BABAM2: variants seen among roughly 807,000 people sequenced by gnomAD.
The protein encoded by BABAM2 is BRISC and BRCA1-A complex member 2.
Under a neutral mutation model 54.7 loss-of-function variants are expected in BABAM2, and 31 were observed. The ratio of observed to expected loss-of-function variants is 0.57; its 90% CI spans 0.43 to 0.77. BABAM2 has a LOEUF of 0.77. Among genes scored for constraint, BABAM2 ranks in the 30% least tolerant of loss-of-function variants. The pLI, the probability that BABAM2 is intolerant of heterozygous loss-of-function variation, is 0.00. For missense variants in BABAM2, 364 were observed against 455.8 expected, an observed-to-expected ratio of 0.80 and a Z score of 1.83; for synonymous variants, 167 against 162.9, an observed-to-expected ratio of 1.03 and a Z score of -0.19.
At chr2:27,993,648 G>A (rs1173213237) in intron 4 of BABAM2, among the ~76,000 whole-genome samples, 1 of 152,150 alleles carries the variant, frequency 6.6e-6, no homozygotes, top group Non-Finnish European at 1.5e-5. Context: ...ATTATAGTAG[G>A]TTGGAAACCT....
chr2:28,131,839 T>G (rs1670105666), intron 7 of BABAM2, among the ~76,000 whole-genome samples: 1 of 152,108 alleles, frequency 6.6e-6, no homozygotes, highest in South Asian at 2.1e-4. Context: ...ATTACAAAGG[T>G]GCTTTGGTGA....
At chr2:27,909,149 A>G (rs530121419) in intron 2 of BABAM2, among the ~76,000 whole-genome samples, 1 of 151,990 alleles carries the variant, frequency 6.6e-6, no homozygotes, top group East Asian at 1.9e-4. Flanking sequence ...GGCTCAAGCA[A>G]TCCTCCCACC....
chr2:28,125,897 A>G (rs1008237856), intron 6 of BABAM2, among the ~76,000 whole-genome samples: 2 of 152,234 alleles, frequency 1.3e-5, no homozygotes, highest in African/African-American at 4.8e-5. Flanking sequence ...AGCAGTTGAT[A>G]GAGCGATATG....
chr2:28,272,614 CT>C (rs1288195573), intron 10 of BABAM2, among the ~76,000 whole-genome samples: 1 of 152,162 alleles, frequency 6.6e-6, no homozygotes, highest in Non-Finnish European at 1.5e-5. Flanking sequence ...TTGGACAGAA[CT>C]TTTTCAGTTT....
chr2:28,305,679 G>A (rs979199731), intron 11 of BABAM2, among the ~76,000 whole-genome samples: 1 of 152,148 alleles, frequency 6.6e-6, no homozygotes, highest in Non-Finnish European at 1.5e-5. Context: ...TTTAGTAAAT[G>A]TAGGGATATT....
chr2:28,143,040 T>C (rs1315413188), intron 7 of BABAM2, among the ~76,000 whole-genome samples: 1 of 152,104 alleles, frequency 6.6e-6, no homozygotes, highest in Non-Finnish European at 1.5e-5. Context: ...TAGATTAACT[T>C]GGCCCTGTAA....
chr2:27,968,205 G>A (rs1019800731), intron 3 of BABAM2, among the ~76,000 whole-genome samples: 1 of 152,212 alleles, frequency 6.6e-6, no homozygotes, highest in Non-Finnish European at 1.5e-5. Context: ...TGGGCCCAGG[G>A]TCCCTGTGCT....
Position 28,025,343 on chromosome 2 carries a change from T to TCC in BABAM2, c.418_419insCC (p.Phe140SerfsTer37). 6.2e-7 allele frequency: 1 copy of TCC among 1,613,246 alleles called. No individual in the cohort carries two copies. The highest frequency in any genetic ancestry group is 8.5e-7 in the Non-Finnish European group (1 of 1,179,820). On this transcript the variant is annotated frameshift_variant, in exon 5 of 12. Transcript: ENST00000379624. LOFTEE classifies it high-confidence loss of function. ...CCTCCGGGAGAGCTCCCGCCTCATG[T>TCC]TTGAATACCAGACATTACTGGAGGA...
At chr2:28,106,139 A>T (rs1275791998) in intron 6 of BABAM2, among the ~76,000 whole-genome samples, 1 of 152,150 alleles carries the variant, frequency 6.6e-6, no homozygotes, top group African/African-American at 2.4e-5. Flanking sequence ...TTACATATTA[A>T]TAATTGCAAT....
At chr2:28,281,780 G>T (rs890557550) in intron 10 of BABAM2, among the ~76,000 whole-genome samples, 1 of 152,224 alleles carries the variant, frequency 6.6e-6, no homozygotes, top group Non-Finnish European at 1.5e-5. Context: ...GTGTTCCTGA[G>T]TTTCAGCGTT....
intron 7 of BABAM2, 70 bp downstream of exon 7, chr2:28,129,450 G>C: frequency 7.6e-7 from 1 of 1,322,300 alleles, no homozygotes; most frequent in Non-Finnish European, 1.1e-6. Flanking sequence ...TCTTTCTTTT[G>C]CCACTCTTGA....
intron 7 of BABAM2, among the ~76,000 whole-genome samples, chr2:28,150,386 C>T (rs530222139): frequency 1.8e-4 from 28 of 152,200 alleles, no homozygotes; most frequent in Admixed American, 1.0e-3. Context: ...GGATACATGG[C>T]AATACAGAGG....
rs892015652 is a variant in BABAM2 at position 27,940,423 on chromosome 2, G to A, written c.205+10515G>A. On this transcript the variant is annotated intron_variant, in intron 3 of 11. Coordinates refer to ENST00000379624, the MANE Select transcript of BABAM2 (RefSeq NM_199191.3). ...TTCCCAATCTCTAGTTGAGTATCTG[G>A]CATTTAGAGAGGTTTAATAAATGTT... Among the ~76,000 whole-genome samples, 18 of 152,290 alleles carry A rather than the reference G, an allele frequency of 1.2e-4. 1 individual carries two copies. The highest frequency in any genetic ancestry group is 1.0e-3 in the Admixed American group (16 of 15,298).
intron 3 of BABAM2, among the ~76,000 whole-genome samples, chr2:27,934,070 T>C (rs546166686): frequency 5.5e-4 from 84 of 152,262 alleles, no homozygotes; most frequent in African/African-American, 1.9e-3. Context: ...GGATTTTTTT[T>C]TTTCTTTGAA....
At chr2:28,097,203 G>T (rs181653658) in intron 6 of BABAM2, among the ~76,000 whole-genome samples, 22 of 152,236 alleles carry the variant, frequency 1.4e-4, no homozygotes, top group Admixed American at 1.2e-3. Context: ...AGGACCTGGG[G>T]ACAGGAAAAT....
At chr2:28,074,042 C>T (rs983336749) in intron 6 of BABAM2, among the ~76,000 whole-genome samples, 1 of 151,974 alleles carries the variant, frequency 6.6e-6, no homozygotes, top group Admixed American at 6.6e-5. Flanking sequence ...TATATACACA[C>T]ACATATATAT....
chr2:28,140,923 G>A (rs1670995482), intron 7 of BABAM2, among the ~76,000 whole-genome samples: 2 of 152,056 alleles, frequency 1.3e-5, no homozygotes, highest in African/African-American at 4.8e-5. Flanking sequence ...CCAGATCAAG[G>A]TGCTAATAAA....
At chr2:28,135,030 A>G (rs1363829801) in intron 7 of BABAM2, among the ~76,000 whole-genome samples, 3 of 152,086 alleles carry the variant, frequency 2.0e-5, no homozygotes, top group Non-Finnish European at 4.4e-5. Context: ...AGTTTCATCT[A>G]CTCCAAGTGG....
chr2:28,005,979 G>T (rs969171691), intron 4 of BABAM2, among the ~76,000 whole-genome samples: 3 of 152,028 alleles, frequency 2.0e-5, no homozygotes, highest in East Asian at 1.9e-4. Flanking sequence ...CAAATTGACA[G>T]TAATTCCCTA....
Sources: gnomAD v4.1 joint callset for allele counts (sites outside exome capture counted in the v4.1 genomes callset) on GRCh38, gnomAD v4.1.1 for gene constraint, MANE v1.5 for transcripts, NCBI Gene and HGNC (gene_info 2026-07-23, HGNC 2026-07-21) for gene names.